The following NYAP2 variants were observed in gnomAD, a reference collection of about 807,000 sequenced individuals.
NYAP2 encodes the protein neuronal tyrosine-phosphorylated phosphoinositide-3-kinase adapter 2.
In NYAP2, 23 loss-of-function variants were observed where a neutral mutation model predicts 50.4. The ratio of observed to expected loss-of-function variants is 0.46; its 90% CI spans 0.33 to 0.65. The LOEUF is 0.65. Ranked by LOEUF, NYAP2 falls within the 30% of genes least tolerant of loss-of-function variation. The pLI is 0.02. For synonymous variants in NYAP2, 394 were observed against 365.2 expected (o/e 1.08, Z -0.90); for missense variants, 885 against 861.0 (o/e 1.03, Z -0.35).
In NYAP2 at chr2:225,463,836, G is replaced by T. The variant is rs116078240; in HGVS notation, c.222-49535G>T. 5.3e-3 allele frequency among the ~76,000 whole-genome samples: 800 copies of T among 152,314 alleles called. 7 individuals carry two copies. The highest frequency in any genetic ancestry group is 0.018 in the African/African-American group (747 of 41,570). On this transcript the variant is annotated intron_variant, in intron 3 of 6. Transcript: ENST00000636099. The stretch of plus-strand genomic sequence containing the variant: ...TCTGGCTGTGGATTGTGAGCAGCAT[G>T]CACTTTGGGAATCCTGGAAAACTCT...
intron 4 of NYAP2, among the ~76,000 whole-genome samples, chr2:225,543,531 G>A (rs1264231465): frequency 6.6e-6 from 1 of 151,920 alleles, no homozygotes; most frequent in Non-Finnish European, 1.5e-5. Context: ...TCAGGAGCAT[G>A]TTGTTTAATT....
At chr2:225,574,007 G>T (rs1268828394) in intron 4 of NYAP2, among the ~76,000 whole-genome samples, 1 of 152,092 alleles carries the variant, frequency 6.6e-6, no homozygotes, top group African/African-American at 2.4e-5. Flanking sequence ...AACGAAATTT[G>T]CCTTCCAGCC....
chr2:225,440,983 G>T (rs1689461095), intron 3 of NYAP2, among the ~76,000 whole-genome samples: 1 of 152,164 alleles, frequency 6.6e-6, no homozygotes, highest in African/African-American at 2.4e-5. Context: ...GGTGATCACT[G>T]CTGCTCTCTA....
At chr2:225,439,831 A>C (rs1274557935) in intron 3 of NYAP2, among the ~76,000 whole-genome samples, 3 of 152,208 alleles carry the variant, frequency 2.0e-5, no homozygotes, top group Non-Finnish European at 4.4e-5. Context: ...AAGATTTAAT[A>C]GAGTGGAAAC....
intron 4 of NYAP2, among the ~76,000 whole-genome samples, chr2:225,555,998 T>C (rs538698939): frequency 6.6e-6 from 1 of 152,342 alleles, no homozygotes; most frequent in East Asian, 1.9e-4. Context: ...CCTTCTAATG[T>C]ATCATATAAT....
chr2:225,680,998 CTG>C, the NYAP2 span, among the ~76,000 whole-genome samples: 4 of 152,192 alleles, frequency 2.6e-5, no homozygotes, highest in East Asian at 5.8e-4. Flanking sequence ...TCCTCACACT[CTG>C]TGTGTGGCAT....
chr2:225,474,291 G>C lies in NYAP2; in HGVS notation c.222-39080G>C, dbSNP rs1358280341. ...TGGCTTAGGATTGACTTGGCGATGA[G>C]GGCTCTTTTTTGGTTCCATATGAAC... On this transcript the variant is annotated intron_variant, in intron 3 of 6. Transcript: ENST00000636099. 5.9e-5 allele frequency among the ~76,000 whole-genome samples: 9 copies of C among 152,234 alleles called. No individual in the cohort carries two copies. The South Asian group carries it at 6.2e-4, about 11-fold the overall frequency.
rs531005764 is a variant in NYAP2, at chr2:225,483,821, T to C, written c.222-29550T>C. On this transcript the variant is annotated intron_variant, in intron 3 of 6. Transcript: ENST00000636099. ...TTTCCATATTTCAGGCACGGAAAAA[T>C]AACTCTCTTGAAAAGTGTCTTTTAA... Among the ~76,000 whole-genome samples the C allele has an allele frequency of 4.0e-4, 61 of 152,294 alleles. No individual in the cohort carries two copies. The Middle Eastern group carries it at 0.017, about 42-fold the overall frequency.
chr2:225,663,709 C>T, the NYAP2 span, among the ~76,000 whole-genome samples: 6 of 152,162 alleles, frequency 3.9e-5, no homozygotes, highest in Admixed American at 3.9e-4. Flanking sequence ...AGGTGCACAC[C>T]ACCACGCCTG....
At chr2:225,513,926 C>A (rs1479208896) in intron 4 of NYAP2, among the ~76,000 whole-genome samples, 1 of 152,114 alleles carries the variant, frequency 6.6e-6, no homozygotes, top group Non-Finnish European at 1.5e-5. Context: ...TCAAATTATT[C>A]AAAAATTATT....
At chr2:225,651,620 T>C in exon 7 of NYAP2, 1 of 1,598,266 alleles carries the variant, frequency 6.3e-7, no homozygotes, top group Non-Finnish European at 8.5e-7. Context: ...CCTGTTGCTG[T>C]AGACAACTTT....
intron 3 of NYAP2, among the ~76,000 whole-genome samples, chr2:225,483,735 AGGTTTATAC>A (rs1020389070): frequency 1.3e-5 from 2 of 152,224 alleles, no homozygotes; most frequent in Non-Finnish European, 2.9e-5. Flanking sequence ...AGTCCCAAAA[AGGTTTATAC>A]GGAAATAATT....
At chr2:225,522,286 CA>C (rs1691076578) in intron 4 of NYAP2, among the ~76,000 whole-genome samples, 1 of 152,188 alleles carries the variant, frequency 6.6e-6, no homozygotes, top group African/African-American at 2.4e-5. Context: ...AAGTTATTTT[CA>C]AACTTCTTTA....
chr2:225,654,018 CAAAA>C (rs1202785934), downstream of NYAP2: 2 of 82,088 alleles, frequency 2.4e-5, no homozygotes, highest in Non-Finnish European at 2.6e-5. Context: ...GACTCCATCT[CAAAA>C]AAAAAAAAAA....
intron 5 of NYAP2, among the ~76,000 whole-genome samples, chr2:225,606,804 G>A (rs1468678587): frequency 2.0e-5 from 3 of 151,992 alleles, no homozygotes; most frequent in Non-Finnish European, 4.4e-5. Context: ...TCATAAATGG[G>A]CCACTCAAAT....
At chr2:225,462,750 G>A (rs1256944127) in intron 3 of NYAP2, among the ~76,000 whole-genome samples, 1 of 152,050 alleles carries the variant, frequency 6.6e-6, no homozygotes, top group Non-Finnish European at 1.5e-5. Flanking sequence ...TAGTCAGATT[G>A]AAATATAATT....
intron 3 of NYAP2, among the ~76,000 whole-genome samples, chr2:225,493,855 C>G (rs1690453794): frequency 6.6e-6 from 1 of 152,232 alleles, no homozygotes. Flanking sequence ...GAAGTCACGT[C>G]AGAGTTGGAA....
chr2:225,535,133 C>T (rs1480787705), intron 4 of NYAP2, among the ~76,000 whole-genome samples: 2 of 152,220 alleles, frequency 1.3e-5, no homozygotes. Flanking sequence ...GCTGCATGTT[C>T]TGCAGCAGCT....
intron 3 of NYAP2, among the ~76,000 whole-genome samples, chr2:225,507,495 G>A (rs183059179): frequency 2.0e-5 from 3 of 152,272 alleles, no homozygotes; most frequent in East Asian, 1.9e-4. Flanking sequence ...TTTCTTTATC[G>A]GTCCTAATCA....
Sources: gnomAD v4.1 joint callset for allele counts (sites outside exome capture counted in the v4.1 genomes callset) on GRCh38, gnomAD v4.1.1 for gene constraint, MANE v1.5 for transcripts, NCBI Gene and HGNC (gene_info 2026-07-23, HGNC 2026-07-21) for gene names.